DOP1B: variants seen among roughly 807,000 people sequenced by gnomAD.
DOP1B encodes the protein DOP1 leucine zipper like protein B, also known as protein DOP1B.
DOP1B carries 174 observed loss-of-function variants against 233.5 expected under a neutral mutation model. That is an observed-to-expected ratio of 0.75 (90% confidence interval 0.66 to 0.85). The LOEUF is 0.85. DOP1B is among the 40% of genes least tolerant of loss of function. The pLI is 0.00. For missense variants in DOP1B, 2,652 were observed against 2,846.6 expected, an observed-to-expected ratio of 0.93 and a Z score of 1.56; for synonymous variants, 1,190 against 1,185.6, an observed-to-expected ratio of 1.00 and a Z score of -0.08.
At chr21:36,275,745 G>C (rs1601474006) in intron 27 of DOP1B, among the ~76,000 whole-genome samples, 1 of 152,276 alleles carries the variant, frequency 6.6e-6, no homozygotes, top group East Asian at 1.9e-4. Flanking sequence ...GTTGCTTGGT[G>C]GTCTGGTTTG....
In DOP1B at chr21:36,259,059, A is replaced by G. The variant is rs925106162; in HGVS notation, c.5260-1618A>G. 4.2e-4 allele frequency among the ~76,000 whole-genome samples: 58 copies of G among 136,538 alleles called. 1 individual carries two copies. Among genetic ancestry groups the G allele is most frequent in the Middle Eastern group, 4.5e-3 (1 of 222 alleles). 89.6% of individuals were successfully genotyped at this position (136,538 alleles called of 152,430 possible). A position where few individuals can be genotyped will look rare whatever the true frequency, so the allele number is the denominator to read the frequency against. ...CGGCTCACTGCAAGCTCCACCTCCC[A>G]GGTTCATGCCATTCTCCTGCCTCAG... On this transcript the variant is annotated intron_variant, in intron 23 of 36. Transcript: ENST00000691173.
chr21:36,179,193 A>G (rs1231578072), intron 2 of DOP1B, among the ~76,000 whole-genome samples: 1 of 152,150 alleles, frequency 6.6e-6, no homozygotes, highest in South Asian at 2.1e-4. Flanking sequence ...GATATATACA[A>G]TTTCTTTATC....
intron 5 of DOP1B, among the ~76,000 whole-genome samples, chr21:36,210,521 C>T (rs6517338): frequency 0.7 from 106,255 of 151,942 alleles, 37,855 homozygotes; most frequent in African/African-American, 0.85. Flanking sequence ...GATGGGCGCC[C>T]GTAGTCCCAG....
intron 1 of DOP1B, among the ~76,000 whole-genome samples, chr21:36,163,367 AG>A (rs1238861849): frequency 3.2e-4 from 47 of 147,424 alleles, no homozygotes; most frequent in Non-Finnish European, 7.6e-5. Context: ...AAAGAAAGAA[AG>A]AAAGTAGTGG....
Position 36,253,973 on chromosome 21 carries a change from A to G in DOP1B, c.5259+64A>G, listed in dbSNP as rs1336815961. ...AGTGGGTGGCATTTGTCATAACTCTACTTCCTTATAAATCGTGTTTGGGAG... is the reference window on the plus strand; with the variant it reads ...AGTGGGTGGCATTTGTCATAACTCTGCTTCCTTATAAATCGTGTTTGGGAG... On this transcript the variant is annotated intron_variant, in intron 23 of 36. Transcript: ENST00000691173. The G allele has an allele frequency of 7.1e-6, 11 of 1,557,764 alleles. No individual in the cohort carries two copies. In the South Asian group the frequency reaches 9.2e-5, roughly 13 times the overall value.
intron 15 of DOP1B, among the ~76,000 whole-genome samples, chr21:36,236,777 C>CTTTTTTTTTTTTTTTTTTTT (rs35374710): frequency 1.7e-4 from 20 of 118,560 alleles, no homozygotes; most frequent in African/African-American, 1.9e-4. Flanking sequence ...TTTTCTTTTT[C>CTTTTTTTTTTTTTTTTTTTT]TTTTTTTTTT....
chr21:36,193,302 G>A (rs939120467), intron 2 of DOP1B, among the ~76,000 whole-genome samples: 2 of 152,170 alleles, frequency 1.3e-5, no homozygotes, highest in African/African-American at 4.8e-5. Context: ...CTGTGCTTGG[G>A]TTTGATGAAG....
At chr21:36,224,660 A>G (rs1471756418) in intron 11 of DOP1B, among the ~76,000 whole-genome samples, 1 of 150,942 alleles carries the variant, frequency 6.6e-6, no homozygotes, top group Non-Finnish European at 1.5e-5. Flanking sequence ...CAGTTAATTT[A>G]TTCATCCCAG....
chr21:36,274,060 A>G (rs2067322877), intron 27 of DOP1B, among the ~76,000 whole-genome samples: 1 of 152,084 alleles, frequency 6.6e-6, no homozygotes, highest in African/African-American at 2.4e-5. Context: ...CCTAGGCAAC[A>G]GAGACTCTGT....
At chr21:36,195,983 C>T (rs1055562856) in intron 2 of DOP1B, among the ~76,000 whole-genome samples, 4 of 152,160 alleles carry the variant, frequency 2.6e-5, no homozygotes, top group African/African-American at 9.7e-5. Flanking sequence ...GAAGTGACTC[C>T]CATAATTCTA....
intron 35 of DOP1B, among the ~76,000 whole-genome samples, chr21:36,290,864 G>C (rs1419645019): frequency 6.6e-6 from 1 of 151,362 alleles, no homozygotes; most frequent in African/African-American, 2.4e-5. Flanking sequence ...CAGCTACTTC[G>C]GAAGCTGAGG....
At chr21:36,187,467 GTT>G (rs894469138) in intron 2 of DOP1B, among the ~76,000 whole-genome samples, 3 of 150,864 alleles carry the variant, frequency 2.0e-5, no homozygotes, top group Non-Finnish European at 4.4e-5. Context: ...GCTAATTTTT[GTT>G]TTTTTTTAGT....
At chr21:36,199,945 T>C (rs1208334980) in intron 3 of DOP1B, among the ~76,000 whole-genome samples, 1 of 152,238 alleles carries the variant, frequency 6.6e-6, no homozygotes, top group African/African-American at 2.4e-5. Flanking sequence ...CCTTTGGGTA[T>C]ATACCCAGTA....
In DOP1B at chr21:36,180,428, G is replaced by T. The variant is rs147392318; in HGVS notation, c.138+15557G>T. On this transcript the variant is annotated intron_variant, in intron 2 of 36. Coordinates refer to ENST00000691173, the MANE Select transcript of DOP1B (RefSeq NM_001320714.2). ...TACCAAAAATACAAAAAATTAGCTG[G>T]GTGTGGTGGCGCACACCTGTTAGTC... Among the ~76,000 whole-genome samples the T allele has an allele frequency of 4.0e-3, 606 of 151,862 alleles. 6 individuals carry two copies. The highest frequency in any genetic ancestry group is 5.0e-3 in the Non-Finnish European group (343 of 67,958).
intron 5 of DOP1B, 68 bp from the exon 6 acceptor site, chr21:36,211,485 A>G: frequency 1.4e-6 from 2 of 1,409,614 alleles, no homozygotes; most frequent in East Asian, 2.3e-5. Flanking sequence ...TTCCCGGGAA[A>G]GGTTACTTTC....
At chr21:36,243,870 T>G (rs1250857200) in intron 18 of DOP1B, among the ~76,000 whole-genome samples, 1 of 151,864 alleles carries the variant, frequency 6.6e-6, no homozygotes, top group African/African-American at 2.4e-5. Context: ...ATGGAGTTTT[T>G]CCATGTTGCC....
chr21:36,221,444 A>G, intron 10 of DOP1B, among the ~76,000 whole-genome samples: 1 of 151,780 alleles, frequency 6.6e-6, no homozygotes, highest in East Asian at 2.0e-4. Flanking sequence ...GCAGTGAGCC[A>G]AGATCGTGCC....
At chr21:36,267,915 G>C (rs1302391747) in intron 26 of DOP1B, among the ~76,000 whole-genome samples, 2 of 151,908 alleles carry the variant, frequency 1.3e-5, no homozygotes, top group East Asian at 3.9e-4. Context: ...TGCTTCAAAG[G>C]GCAAAAAGCA....
Position 36,231,135 on chromosome 21 carries a change from G to T in DOP1B, c.2350+1G>T. 1 of 1,572,384 alleles carries T rather than the reference G, an allele frequency of 6.4e-7. No individual in the cohort carries two copies. The highest frequency in any genetic ancestry group is 8.7e-7 in the Non-Finnish European group (1 of 1,156,004). ...TGTGCAACGCTCTTCCAGCTGCCAG[G>T]TGAGAGGCAGCCCTGCCGAAGTCCC... On this transcript the variant is annotated splice_donor_variant, in intron 14 of 36. Transcript: ENST00000691173. LOFTEE classifies it high-confidence loss of function.
Sources: allele counts gnomAD v4.1 joint callset (sites outside exome capture counted in the v4.1 genomes callset), GRCh38; gene constraint gnomAD v4.1.1; transcripts MANE v1.5; gene names NCBI Gene and HGNC (gene_info 2026-07-23, HGNC 2026-07-21).